PCDHGA4: variants seen among roughly 807,000 people sequenced by gnomAD.
PCDHGA4 encodes the protein protocadherin gamma subfamily A, 4.
A neutral mutation model predicts 54.6 loss-of-function variants in PCDHGA4; 38 were observed. That is an observed-to-expected ratio of 0.70 (90% CI 0.54 to 0.91). The LOEUF (loss-of-function observed/expected upper bound fraction) is 0.91, where lower values mean the gene tolerates loss of function less well. PCDHGA4 is among the 40% of genes least tolerant of loss of function. PCDHGA4 has a pLI of 0.00. For missense variants in PCDHGA4, 1,298 were observed against 1,220.9 expected (o/e 1.06, Z -0.94); for synonymous variants, 511 against 512.9 (o/e 1.00, Z 0.05).
chr5:141,400,566 A>G (rs754437274), intron 1 of PCDHGA4: 94 of 1,612,572 alleles, frequency 5.8e-5, no homozygotes, highest in Non-Finnish European at 7.7e-5. Flanking sequence ...TACCCACCCA[A>G]TTTTCTGTAT....
chr5:141,511,267 C>G lies in PCDHGA4; in HGVS notation c.*94C>G. The G allele has an allele frequency of 6.5e-7, 1 of 1,549,404 alleles. No homozygotes were observed. The highest frequency in any genetic ancestry group is 8.7e-7 in the Non-Finnish European group (1 of 1,146,836). On this transcript the variant is annotated 3_prime_UTR_variant, in exon 4 of 4. Coordinates refer to ENST00000571252, the MANE Select transcript of PCDHGA4 (RefSeq NM_018917.4). Reference sequence around the variant, plus strand: ...CCAGGCCTCAGAGTTTCAGGGCTAACCCCCAGAATACTGGTAGGGGCCAAG... The same window carrying G: ...CCAGGCCTCAGAGTTTCAGGGCTAAGCCCCAGAATACTGGTAGGGGCCAAG...
chr5:141,383,085 C>G (rs773972778), intron 1 of PCDHGA4: 15 of 1,613,862 alleles, frequency 9.3e-6, no homozygotes, highest in Non-Finnish European at 1.3e-5. Context: ...TGGCGGAGCG[C>G]GGAGTCCGCA....
chr5:141,365,990 G>A, intron 1 of PCDHGA4: 1 of 1,614,216 alleles, frequency 6.2e-7, no homozygotes, highest in Non-Finnish European at 8.5e-7. Flanking sequence ...GTTTGTGCTG[G>A]ACCAGAACGA....
Position 141,431,473 on chromosome 5 carries a change from C to G in PCDHGA4, c.2515-63334C>G, listed in dbSNP as rs750300971. ...TGATGGTTCTGGATGCGAACGACAA[C>G]GCACCAGCGTTTGCTCAGCCCGAGT... On this transcript the variant is annotated intron_variant, in intron 1 of 3. Coordinates refer to ENST00000571252, the MANE Select transcript of PCDHGA4 (RefSeq NM_018917.4). This position sits in a 1 kb window ranked among gnomAD's most constrained non-coding sequence, Gnocchi z 4.8. 5.0e-6 allele frequency: 8 copies of G among 1,613,832 alleles called. No homozygotes were observed. The highest frequency in any genetic ancestry group is 1.7e-5 in the Admixed American group (1 of 60,026).
chr5:141,467,736 G>A (rs1435480730), intron 1 of PCDHGA4, among the ~76,000 whole-genome samples: 1 of 151,902 alleles, frequency 6.6e-6, no homozygotes, highest in Non-Finnish European at 1.5e-5. Flanking sequence ...ATCCCAGCTC[G>A]CTGCAACCTC....
In PCDHGA4 at chr5:141,489,750, C is replaced by A. The variant is rs753217170; in HGVS notation, c.2515-5057C>A. 1 of 1,614,098 alleles carries A rather than the reference C, an allele frequency of 6.2e-7. No individual in the cohort carries two copies. The highest frequency in any genetic ancestry group is 1.1e-5 in the South Asian group (1 of 91,080). Reference sequence around the variant, plus strand: ...TGGGCACCAATACTGTGAGCTTTTACACTCTAAGCCCCAACAGCCACTTCT... The same window carrying A: ...TGGGCACCAATACTGTGAGCTTTTAAACTCTAAGCCCCAACAGCCACTTCT... On this transcript the variant is annotated intron_variant, in intron 1 of 3. Coordinates refer to ENST00000571252, the MANE Select transcript of PCDHGA4 (RefSeq NM_018917.4). This position sits in a 1 kb window ranked among gnomAD's most constrained non-coding sequence, Gnocchi z 4.5.
In PCDHGA4 at chr5:141,487,636, AC is replaced by A. The variant is rs1562120737; in HGVS notation, c.2515-7170del. On this transcript the variant is annotated intron_variant, in intron 1 of 3. Coordinates refer to ENST00000571252, the MANE Select transcript of PCDHGA4 (RefSeq NM_018917.4). The surrounding 1 kb of genome is among the most constrained non-coding windows in gnomAD (Gnocchi z 5.0). ...TAGAGGTGAGACCTTTGCAGGCTCA[AC>A]AAATGCTTGAGGGTTATTCTGATCC... 1 of 1,614,192 alleles carries A rather than the reference AC, an allele frequency of 6.2e-7. No individual in the cohort carries two copies. The highest frequency in any genetic ancestry group is 2.2e-5 in the East Asian group (1 of 44,886).
chr5:141,419,923 G>A, intron 1 of PCDHGA4: 4 of 1,614,088 alleles, frequency 2.5e-6, no homozygotes, highest in Non-Finnish European at 3.4e-6. Flanking sequence ...AGGCTGAGAT[G>A]CAGTTTTACC....
chr5:141,371,759 C>T (rs1768010775), intron 1 of PCDHGA4: 1 of 1,614,044 alleles, frequency 6.2e-7, no homozygotes, highest in Non-Finnish European at 8.5e-7. Context: ...TCCACCAGGC[C>T]TCCTACACCG....
chr5:141,414,519 T>C (rs754685087), intron 1 of PCDHGA4: 6 of 1,613,856 alleles, frequency 3.7e-6, no homozygotes, highest in Non-Finnish European at 5.1e-6. Context: ...AAGTGGCAGA[T>C]ATCAATGACA....
chr5:141,385,730 A>G (rs763520161), intron 1 of PCDHGA4: 8 of 214,510 alleles, frequency 3.7e-5, no homozygotes, highest in Non-Finnish European at 5.7e-5. Flanking sequence ...GTTCTGAAAG[A>G]TTTCTTCCAT....
chr5:141,364,565 C>G, intron 1 of PCDHGA4: 1 of 1,614,114 alleles, frequency 6.2e-7, no homozygotes. Context: ...TGCCCTGAAC[C>G]CGCGAAGCGG....
intron 1 of PCDHGA4, chr5:141,419,816 C>T (rs910172118): frequency 1.2e-6 from 2 of 1,614,058 alleles, no homozygotes; most frequent in Non-Finnish European, 8.5e-7. Context: ...AGGACAGCCA[C>T]CCCTTTCAGC....
Position 141,403,041 on chromosome 5 carries a change from A to G in PCDHGA4, c.2514+45420A>G, listed in dbSNP as rs202099773. Reference sequence around the variant, plus strand: ...ATGCTATGGGAGGCCAGGGCCAGTCAGATTCGCTACTCAGTGCCTGAAGAG... The same window carrying G: ...ATGCTATGGGAGGCCAGGGCCAGTCGGATTCGCTACTCAGTGCCTGAAGAG... On this transcript the variant is annotated intron_variant, in intron 1 of 3. Transcript: ENST00000571252. 7.2e-5 allele frequency: 116 copies of G among 1,613,966 alleles called. No homozygotes were observed. Among genetic ancestry groups the G allele is most frequent in the Non-Finnish European group, 9.6e-5 (113 of 1,179,918 alleles).
At chr5:141,362,732 A>G in intron 1 of PCDHGA4, 4 of 795,358 alleles carry the variant, frequency 5.0e-6, no homozygotes. Flanking sequence ...TGTGAGATTT[A>G]TTTACCCATG....
Position 141,432,195 on chromosome 5 carries a change from C to A in PCDHGA4, c.2515-62612C>A, listed in dbSNP as rs1334965321. ...CTCGTCTCTGTGACCGCCCACGACC[C>A]CGACTGTGAAGAGAACGCCCAGATC... On this transcript the variant is annotated intron_variant, in intron 1 of 3. Transcript: ENST00000571252. This position sits in a 1 kb window ranked among gnomAD's most constrained non-coding sequence, Gnocchi z 6.0. 22 of 1,614,088 alleles carry A rather than the reference C, an allele frequency of 1.4e-5. No homozygotes were observed. The highest frequency in any genetic ancestry group is 1.9e-5 in the Non-Finnish European group (22 of 1,180,058).
chr5:141,365,902 G>A lies in PCDHGA4; in HGVS notation c.2514+8281G>A, dbSNP rs373157726. ...CTCTGAGATCCTTCGACTATGAGCAGTTGAGAGACCTACAGTTGTGGGTGA... is the reference window on the plus strand; with the variant it reads ...CTCTGAGATCCTTCGACTATGAGCAATTGAGAGACCTACAGTTGTGGGTGA... On this transcript the variant is annotated intron_variant, in intron 1 of 3. Coordinates refer to ENST00000571252, the MANE Select transcript of PCDHGA4 (RefSeq NM_018917.4). 22 of 1,614,138 alleles carry A rather than the reference G, an allele frequency of 1.4e-5. No homozygotes were observed. The African/African-American group carries it at 2.9e-4, about 22-fold the overall frequency.
intron 1 of PCDHGA4, chr5:141,403,779 A>G: frequency 6.2e-7 from 1 of 1,613,970 alleles, no homozygotes; most frequent in Non-Finnish European, 8.5e-7. Context: ...ATCAACGGAA[A>G]AGTGGCATAC....
chr5:141,442,675 G>A (rs1381554808), intron 1 of PCDHGA4, among the ~76,000 whole-genome samples: 1 of 152,248 alleles, frequency 6.6e-6, no homozygotes, highest in Admixed American at 6.5e-5. Context: ...GTGAGCTTGA[G>A]GGACAGTAGT....
Sources: gnomAD v4.1 joint callset for allele counts (sites outside exome capture counted in the v4.1 genomes callset) on GRCh38, gnomAD v4.1.1 for gene constraint, Gnocchi (gnomAD v3.1) non-coding constraint, MANE v1.5 for transcripts, NCBI Gene and HGNC (gene_info 2026-07-23, HGNC 2026-07-21) for gene names.